ZNF507: variants seen among roughly 807,000 people sequenced by gnomAD.
The protein encoded by ZNF507 is zinc finger protein 507.
Under a neutral mutation model 80.0 loss-of-function variants are expected in ZNF507, and 29 were observed. The ratio of observed to expected loss-of-function variants is 0.36; its 90% CI spans 0.27 to 0.49. ZNF507 has a LOEUF of 0.49. Ranked by LOEUF, ZNF507 falls within the 20% of genes least tolerant of loss-of-function variation. The pLI is 0.98. For missense variants in ZNF507, 1,081 were observed against 1,152.2 expected, an observed-to-expected ratio of 0.94 and a Z score of 0.90; for synonymous variants, 462 against 422.5, an observed-to-expected ratio of 1.09 and a Z score of -1.15.
intron 5 of ZNF507, among the ~76,000 whole-genome samples, chr19:32,361,670 CTTCCTTCCTTTCCTTCCTTCCT>C (rs201545437): frequency 0.66 from 93,671 of 141,842 alleles, 31,584 homozygotes; most frequent in Non-Finnish European, 0.72. Flanking sequence ...TCTTTTCTTC[CTTCCTTCCTTTCCTTCCTTCCT>C]TTCCTTCCTT....
intron 4 of ZNF507, chr19:32,359,528 T>C (rs1158533381): frequency 1.3e-5 from 2 of 152,212 alleles, no homozygotes; most frequent in Non-Finnish European, 2.9e-5. Context: ...GCCTGTGGAC[T>C]GTATGCTGAC....
intron 5 of ZNF507, 107 bp from the exon 6 acceptor site, chr19:32,382,360 T>C: frequency 7.3e-7 from 1 of 1,370,376 alleles, no homozygotes; most frequent in Non-Finnish European, 1.0e-6. Flanking sequence ...ACGATATGTC[T>C]AATAAGGGTT....
In ZNF507 at chr19:32,385,484, G is replaced by C. The variant is rs1967676621; in HGVS notation, c.*2401G>C. The C allele has an allele frequency of 6.6e-6, 1 of 152,184 alleles. No homozygotes were observed. The highest frequency in any genetic ancestry group is 1.5e-5 in the Non-Finnish European group (1 of 68,030). 9.4% of individuals were successfully genotyped at this position (152,184 alleles called of 1,614,324 possible). ...TGAGTTTTCTAAAAGTAATAATGAAGATTATGCAATTCTAACTGTAGAAGA... is the reference window on the plus strand; with the variant it reads ...TGAGTTTTCTAAAAGTAATAATGAACATTATGCAATTCTAACTGTAGAAGA... On this transcript the variant is annotated 3_prime_UTR_variant, in exon 7 of 7. Transcript: ENST00000355898.
intron 5 of ZNF507, among the ~76,000 whole-genome samples, chr19:32,362,387 G>A (rs1481168716): frequency 2.6e-5 from 4 of 152,098 alleles, no homozygotes; most frequent in African/African-American, 9.7e-5. Context: ...ACATTTCTCC[G>A]GGTCCAGAAT....
rs942823980 is a variant in ZNF507, at chr19:32,387,059, T to G, written c.*3976T>G. 5 of 152,228 alleles carry G rather than the reference T, an allele frequency of 3.3e-5. No individual in the cohort carries two copies. Among genetic ancestry groups the G allele is most frequent in the Admixed American group, 3.3e-4 (5 of 15,274 alleles). 9.4% of individuals were successfully genotyped at this position (152,228 alleles called of 1,614,324 possible). A position where few individuals can be genotyped will look rare whatever the true frequency, so the allele number is the denominator to read the frequency against. ...CTGAATAAGCATTTAGCTTTTTAAA[T>G]CATTTTAAAAATTAAGTCTAATTTT... On this transcript the variant is annotated 3_prime_UTR_variant, in exon 7 of 7. Coordinates refer to ENST00000355898, the MANE Select transcript of ZNF507 (RefSeq NM_001136156.2).
intron 1 of ZNF507, among the ~76,000 whole-genome samples, 168 bp from the exon 2 acceptor site, chr19:32,347,077 T>C (rs1967106484): frequency 6.6e-6 from 1 of 152,228 alleles, no homozygotes; most frequent in South Asian, 2.1e-4. Flanking sequence ...GCTTGTTAGA[T>C]AAATTATTTA....
intron 1 of ZNF507, among the ~76,000 whole-genome samples, chr19:32,346,986 C>G (rs745532598): frequency 6.6e-5 from 10 of 152,248 alleles, no homozygotes; most frequent in East Asian, 3.9e-4. Flanking sequence ...TACCTAAATT[C>G]TGAGGTAAAA....
At chr19:32,363,255 G>A (rs1471092324) in intron 5 of ZNF507, among the ~76,000 whole-genome samples, 9 of 152,150 alleles carry the variant, frequency 5.9e-5, no homozygotes, top group Non-Finnish European at 1.5e-5. Context: ...ATTTTGTTAA[G>A]AAACATGCTC....
chr19:32,346,206 G>GAAAAGCTACTACAGAAACGCAGT (rs1423192236), intron 1 of ZNF507, among the ~76,000 whole-genome samples: 1 of 152,184 alleles, frequency 6.6e-6, no homozygotes. Flanking sequence ...GCCAGTGCGT[G>GAAAAGCTACTACAGAAACGCAGT]GTGTAGAAAA....
Position 32,354,412 on chromosome 19 carries a change from A to G in ZNF507, c.1582A>G (p.Thr528Ala). 6.2e-7 allele frequency: 1 copy of G among 1,614,158 alleles called. No individual in the cohort carries two copies. The highest frequency in any genetic ancestry group is 8.5e-7 in the Non-Finnish European group (1 of 1,180,042). The change falls in exon 3 of 7, where the codon ACT becomes GCT. Residue 528 changes from threonine to alanine, a missense_variant. This residue lies in a region of ZNF507 where 614 missense variants were observed against 583.9 expected (regional missense o/e 1.05). Coordinates refer to ENST00000355898, the MANE Select transcript of ZNF507 (RefSeq NM_001136156.2). ...YGDINLLDPDTSQRQVDSTLA... is the reference protein window; with the variant it reads ...YGDINLLDPDASQRQVDSTLA... ...AGATATAAACCTTTTAGATCCAGAT[A>G]CTAGTCAAAGGCAAGTAGATAGTAC...
At chr19:32,355,930 C>T (rs549182927) in intron 3 of ZNF507, among the ~76,000 whole-genome samples, 108 of 152,058 alleles carry the variant, frequency 7.1e-4, no homozygotes, top group African/African-American at 2.0e-3. Context: ...ACCTGGGAGG[C>T]GGAGCTTGCA....
intron 5 of ZNF507, among the ~76,000 whole-genome samples, chr19:32,378,153 A>C (rs1342231888): frequency 6.6e-6 from 1 of 152,088 alleles, no homozygotes; most frequent in Admixed American, 6.5e-5. Flanking sequence ...AGGAGTTAGA[A>C]ACCAGCCTGG....
intron 5 of ZNF507, among the ~76,000 whole-genome samples, chr19:32,369,611 T>C (rs1268416483): frequency 6.6e-6 from 1 of 152,192 alleles, no homozygotes; most frequent in Non-Finnish European, 1.5e-5. Flanking sequence ...AGCCTCTGTT[T>C]CAAAACATAC....
intron 5 of ZNF507, among the ~76,000 whole-genome samples, chr19:32,371,625 T>A (rs990658054): frequency 1.4e-5 from 2 of 141,538 alleles, no homozygotes; most frequent in Non-Finnish European, 3.0e-5. Flanking sequence ...GTGTTAATTG[T>A]TTATTATTAT....
intron 5 of ZNF507, among the ~76,000 whole-genome samples, chr19:32,363,660 A>T (rs1359064780): frequency 6.6e-6 from 1 of 152,268 alleles, no homozygotes; most frequent in Non-Finnish European, 1.5e-5. Context: ...GTACCAGCAC[A>T]TAATAAACAG....
intron 5 of ZNF507, among the ~76,000 whole-genome samples, chr19:32,376,740 G>A (rs996390446): frequency 2.0e-5 from 3 of 152,096 alleles, no homozygotes; most frequent in Admixed American, 2.0e-4. Context: ...CTACCAAGAC[G>A]CGGAGACCGG....
intron 2 of ZNF507, among the ~76,000 whole-genome samples, chr19:32,351,433 G>GTGTA (rs1368429123): frequency 1.5e-5 from 2 of 136,262 alleles, no homozygotes; most frequent in Non-Finnish European, 3.2e-5. Context: ...GTGTGTGTGT[G>GTGTA]TGTGTGTGTG....
At chr19:32,351,474 G>A (rs181866254) in intron 2 of ZNF507, among the ~76,000 whole-genome samples, 560 of 38,322 alleles carry the variant, frequency 0.015, 13 homozygotes, top group African/African-American at 0.045. Flanking sequence ...TGTGTGTGGC[G>A]TGGGGGGGCG....
At chr19:32,365,576 T>C (rs1298113696) in intron 5 of ZNF507, among the ~76,000 whole-genome samples, 2 of 152,170 alleles carry the variant, frequency 1.3e-5, no homozygotes, top group Non-Finnish European at 2.9e-5. Context: ...AAAGTTCCAC[T>C]CAAAATTTTT....
Sources: gnomAD v4.1 joint callset for allele counts (sites outside exome capture counted in the v4.1 genomes callset) on GRCh38, gnomAD v4.1.1 for gene constraint, gnomAD v4.1.1 regional missense constraint, MANE v1.5 for transcripts, NCBI Gene and HGNC (gene_info 2026-07-23, HGNC 2026-07-21) for gene names.